MTPN: variants seen among roughly 807,000 people sequenced by gnomAD.
MTPN encodes granule cell differentiation protein.
In MTPN, 2 loss-of-function variants were observed where a neutral mutation model predicts 13.5. That is an observed-to-expected ratio of 0.15 (90% confidence interval 0.06 to 0.47). The LOEUF (loss-of-function observed/expected upper bound fraction) is 0.47, where lower values mean the gene tolerates loss of function less well. Ranked by LOEUF, MTPN falls within the 20% of genes least tolerant of loss-of-function variation. MTPN has a pLI of 0.97. For missense variants in MTPN, 79 were observed against 137.9 expected, an observed-to-expected ratio of 0.57 and a Z score of 2.14; for synonymous variants, 46 against 51.7, an observed-to-expected ratio of 0.89 and a Z score of 0.48.
intron 3 of MTPN, among the ~76,000 whole-genome samples, chr7:135,948,530 A>G (rs1450813135): frequency 2.0e-5 from 3 of 152,186 alleles, no homozygotes; most frequent in Non-Finnish European, 4.4e-5. Flanking sequence ...ACACACACAG[A>G]GAACCTTCTG....
chr7:135,973,714 G>A (rs952717389), intron 1 of MTPN, among the ~76,000 whole-genome samples: 11 of 152,128 alleles, frequency 7.2e-5, no homozygotes, highest in Admixed American at 3.9e-4. Flanking sequence ...TTTTCCAGCC[G>A]GACAACTGAA....
rs1339459682 is a variant in MTPN, at chr7:135,927,404, C to T, written c.*2522G>A. On this transcript the variant is annotated 3_prime_UTR_variant, in exon 4 of 4. Transcript: ENST00000393085. ...TAGTACACTACTATAAACAGGTAAA[C>T]TACCTGTTTGTACTTGATATAGTGC... 3.9e-6 allele frequency: 6 copies of T among 1,546,474 alleles called. No homozygotes were observed. The highest frequency in any genetic ancestry group is 1.7e-4 in the Middle Eastern group (1 of 6,004).
chr7:135,976,791 G>A (rs1301722489), intron 1 of MTPN, among the ~76,000 whole-genome samples: 1 of 152,042 alleles, frequency 6.6e-6, no homozygotes, highest in African/African-American at 2.4e-5. Context: ...CAGGAAGTCA[G>A]GTAGCGCCTA....
chr7:135,933,316 A>G (rs1405887476), intron 3 of MTPN, among the ~76,000 whole-genome samples: 3 of 151,964 alleles, frequency 2.0e-5, no homozygotes, highest in Admixed American at 2.0e-4. Context: ...GCTCACCACT[A>G]CCACCCTTCC....
intron 1 of MTPN, among the ~76,000 whole-genome samples, chr7:135,972,205 ACACACG>A (rs1799703478): frequency 7.2e-6 from 1 of 138,104 alleles, no homozygotes; most frequent in South Asian, 2.3e-4. Flanking sequence ...GGTTATAAAT[ACACACG>A]CGCACACGCG....
intron 3 of MTPN, 60 bp downstream of exon 3, chr7:135,950,539 T>C: frequency 7.7e-7 from 1 of 1,297,476 alleles, no homozygotes; most frequent in South Asian, 1.3e-5. Flanking sequence ...AAATTAACAA[T>C]CAAATACTTG....
At chr7:135,931,934 ATTTC>A (rs1216029017) in intron 3 of MTPN, among the ~76,000 whole-genome samples, 2 of 152,092 alleles carry the variant, frequency 1.3e-5, no homozygotes, top group Non-Finnish European at 2.9e-5. Context: ...GGCCCTTATC[ATTTC>A]TTTGTGTTAG....
At chr7:135,939,367 C>T (rs1026876766) in intron 3 of MTPN, among the ~76,000 whole-genome samples, 6 of 152,086 alleles carry the variant, frequency 3.9e-5, no homozygotes, top group African/African-American at 1.4e-4. Context: ...CAGCATCTGA[C>T]ACAACCCACT....
At chr7:135,967,741 T>C (rs2116404152) in intron 1 of MTPN, among the ~76,000 whole-genome samples, 1 of 152,294 alleles carries the variant, frequency 6.6e-6, no homozygotes, top group African/African-American at 2.4e-5. Flanking sequence ...GGTATTACAA[T>C]CATTCCCATT....
chr7:135,976,663 C>A (rs945459683), intron 1 of MTPN, among the ~76,000 whole-genome samples: 1 of 151,908 alleles, frequency 6.6e-6, no homozygotes, highest in African/African-American at 2.4e-5. Context: ...TGGAGAATTA[C>A]CTCATTCAAA....
At chr7:135,969,447 C>T (rs1161633051) in intron 1 of MTPN, among the ~76,000 whole-genome samples, 1 of 150,424 alleles carries the variant, frequency 6.6e-6, no homozygotes, top group Non-Finnish European at 1.5e-5. Context: ...TTCCTAATAT[C>T]TGTTATAATA....
At chr7:135,950,363 T>C (rs562902483) in intron 3 of MTPN, among the ~76,000 whole-genome samples, 28 of 152,136 alleles carry the variant, frequency 1.8e-4, no homozygotes, top group African/African-American at 6.8e-4. Flanking sequence ...TGTGTGTGTG[T>C]AAAATATTTT....
chr7:135,935,535 C>T (rs745335312), intron 3 of MTPN, among the ~76,000 whole-genome samples: 8 of 152,298 alleles, frequency 5.3e-5, no homozygotes, highest in Non-Finnish European at 1.2e-4. Context: ...CCACTGCGCC[C>T]GGCCTTTTTT....
chr7:135,941,818 A>G (rs1429544940), intron 3 of MTPN, among the ~76,000 whole-genome samples: 5 of 152,152 alleles, frequency 3.3e-5, no homozygotes, highest in Non-Finnish European at 7.3e-5. Flanking sequence ...GATGGGCTAA[A>G]GCACAAACGA....
intron 3 of MTPN, among the ~76,000 whole-genome samples, chr7:135,930,839 TTC>T (rs1170392042): frequency 2.6e-5 from 4 of 152,136 alleles, no homozygotes; most frequent in African/African-American, 9.7e-5. Context: ...CATCTGAGGG[TTC>T]TGTTTACCAG....
chr7:135,927,573 C>T lies in MTPN; in HGVS notation c.*2353G>A. The T allele has an allele frequency of 1.4e-6, 1 of 698,718 alleles. No individual in the cohort carries two copies. The highest frequency in any genetic ancestry group is 2.6e-6 in the Non-Finnish European group (1 of 389,230). The allele number at this position is 698,718 out of a possible 1,614,324, so 43.3% of individuals were successfully genotyped here. On this transcript the variant is annotated 3_prime_UTR_variant, in exon 4 of 4. Coordinates refer to ENST00000393085, the MANE Select transcript of MTPN (RefSeq NM_145808.4). The stretch of plus-strand genomic sequence containing the variant: ...CAGAAAGCAAACATGGTTTTAGCTT[C>T]CTTTACTCAAAATATGAACATTAAG...
At chr7:135,953,229 T>C (rs1301007335) in intron 1 of MTPN, among the ~76,000 whole-genome samples, 2 of 152,218 alleles carry the variant, frequency 1.3e-5, no homozygotes, top group Non-Finnish European at 2.9e-5. Context: ...TATGAAACTT[T>C]CCATGATAAT....
At chr7:135,973,663 T>C (rs1305455202) in intron 1 of MTPN, among the ~76,000 whole-genome samples, 1 of 152,150 alleles carries the variant, frequency 6.6e-6, no homozygotes, top group African/African-American at 2.4e-5. Flanking sequence ...GAATATCTCT[T>C]ATAGCTGCTC....
chr7:135,966,615 G>C (rs912632067), intron 1 of MTPN, among the ~76,000 whole-genome samples: 1 of 152,126 alleles, frequency 6.6e-6, no homozygotes, highest in African/African-American at 2.4e-5. Context: ...CCTGGGCACA[G>C]AAGAGATGCT....
Sources: allele counts gnomAD v4.1 joint callset (sites outside exome capture counted in the v4.1 genomes callset), GRCh38; gene constraint gnomAD v4.1.1; transcripts MANE v1.5; gene names NCBI Gene and HGNC (gene_info 2026-07-23, HGNC 2026-07-21).